The following MACO1 variants were observed in gnomAD, a reference collection of about 807,000 sequenced individuals.
The protein encoded by MACO1 is macoilin.
A neutral mutation model predicts 78.7 loss-of-function variants in MACO1; 14 were observed. The ratio of observed to expected loss-of-function variants is 0.18; its 90% CI spans 0.12 to 0.28. The LOEUF (loss-of-function observed/expected upper bound fraction) is 0.28. Among genes scored for constraint, MACO1 ranks in the 10% least tolerant of loss-of-function variants. The pLI is 1.00. For synonymous variants in MACO1, 288 were observed against 291.6 expected (o/e 0.99, Z 0.12); for missense variants, 501 against 799.0 (o/e 0.63, Z 4.50).
chr1:25,457,824 C>T (rs1432765995), intron 5 of MACO1, among the ~76,000 whole-genome samples: 1 of 152,068 alleles, frequency 6.6e-6, no homozygotes, highest in African/African-American at 2.4e-5. Context: ...AATGTGTAGA[C>T]CCAATACACA....
At chr1:25,483,012 C>T (rs750785984) in intron 6 of MACO1, among the ~76,000 whole-genome samples, 8 of 152,090 alleles carry the variant, frequency 5.3e-5, no homozygotes, top group Non-Finnish European at 1.0e-4. Flanking sequence ...GTGAAGTTTT[C>T]CCATGAAGAA....
intron 6 of MACO1, among the ~76,000 whole-genome samples, chr1:25,478,792 G>C (rs1024895756): frequency 6.6e-6 from 1 of 152,232 alleles, no homozygotes; most frequent in Non-Finnish European, 1.5e-5. Flanking sequence ...ATAAACTCCA[G>C]CTTTGCCATG....
At chr1:25,461,300 G>A (rs902961437) in intron 6 of MACO1, among the ~76,000 whole-genome samples, 9 of 151,742 alleles carry the variant, frequency 5.9e-5, no homozygotes, top group African/African-American at 1.5e-4. Context: ...AACATGGCAC[G>A]TGTATACATA....
intron 1 of MACO1, among the ~76,000 whole-genome samples, chr1:25,444,246 G>T (rs1421080319): frequency 1.3e-5 from 2 of 151,816 alleles, no homozygotes; most frequent in Non-Finnish European, 2.9e-5. Context: ...GTGATAGAGT[G>T]AAACTCAGTC....
At position 25,458,872 on chromosome 1, in the gene MACO1, C is replaced by T. The variant is rs1054889784; in HGVS notation, c.1134C>T (p.Ser378=). ...MENCIPNNQL[S]KPDALVRLEQ... Reference sequence around the variant, plus strand: ...ACTGTATTCCTAATAACCAGCTAAGCAAACCAGACGCACTGGTCAGGTAAG... The same window carrying T: ...ACTGTATTCCTAATAACCAGCTAAGTAAACCAGACGCACTGGTCAGGTAAG... The change falls in exon 6 of 11, where the codon AGC becomes AGT. Residue 378 remains serine, a synonymous_variant. Coordinates refer to ENST00000374343, the MANE Select transcript of MACO1 (RefSeq NM_018202.6). 1.4e-5 allele frequency: 22 copies of T among 1,613,302 alleles called. No individual in the cohort carries two copies. The highest frequency in any genetic ancestry group is 1.7e-5 in the Non-Finnish European group (20 of 1,179,614).
At chr1:25,444,323 C>T (rs897325172) in intron 1 of MACO1, among the ~76,000 whole-genome samples, 7 of 151,834 alleles carry the variant, frequency 4.6e-5, no homozygotes, top group African/African-American at 1.7e-4. Flanking sequence ...TGGACTTGAA[C>T]CCCTGGGCTC....
Position 25,472,976 on chromosome 1 carries a change from A to G in MACO1, c.1155-11140A>G, listed in dbSNP as rs115820206. ...CTAGACTAAATTGAATATGTTGGCT[A>G]TAGCTGCTGCTGAATTATTTGGAAA... On this transcript the variant is annotated intron_variant, in intron 6 of 10. Coordinates refer to ENST00000374343, the MANE Select transcript of MACO1 (RefSeq NM_018202.6). Among the ~76,000 whole-genome samples the G allele has an allele frequency of 9.3e-3, 1,424 of 152,358 alleles. 19 individuals are homozygous for G. Among genetic ancestry groups the G allele is most frequent in the African/African-American group, 0.031 (1,296 of 41,582 alleles).
At chr1:25,457,972 A>G (rs892659043) in intron 5 of MACO1, among the ~76,000 whole-genome samples, 5 of 152,190 alleles carry the variant, frequency 3.3e-5, no homozygotes, top group Non-Finnish European at 7.3e-5. Context: ...TCTTTTCAGT[A>G]AAGTTATTAA....
chr1:25,457,458 G>T (rs1162431225), intron 5 of MACO1, among the ~76,000 whole-genome samples: 1 of 152,062 alleles, frequency 6.6e-6, no homozygotes, highest in African/African-American at 2.4e-5. Context: ...AAAATACTAT[G>T]GAACTATGTG....
At position 25,499,561 on chromosome 1, in the gene MACO1, GTTTT is replaced by G. The variant is rs1211702103; in HGVS notation, c.*1104_*1107del. On this transcript the variant is annotated 3_prime_UTR_variant, in exon 11 of 11. Coordinates refer to ENST00000374343, the MANE Select transcript of MACO1 (RefSeq NM_018202.6). The stretch of plus-strand genomic sequence containing the variant: ...TTCCTCAGCTCTTGTGCCAAGGAGG[GTTTT>G]TTTTTTTTAAGACTCTTAAACTCAA... 1 of 140,492 alleles carries G rather than the reference GTTTT, an allele frequency of 7.1e-6. No individual in the cohort carries two copies. Among genetic ancestry groups the G allele is most frequent in the Non-Finnish European group, 1.6e-5 (1 of 64,316 alleles). The allele number at this position is 140,492 out of a possible 1,614,324, so 8.7% of individuals were successfully genotyped here.
rs946856493 is a variant in MACO1, at chr1:25,484,041, G to A, written c.1155-75G>A. ...TTCTGCCATTCACCCAGCAGTCCAG[G>A]ACCCCCACCAGGTCCCTCCCAGCTC... On this transcript the variant is annotated intron_variant, in intron 6 of 10. Transcript: ENST00000374343. 6.1e-6 allele frequency: 9 copies of A among 1,479,704 alleles called. No homozygotes were observed. The African/African-American group carries it at 1.1e-4, about 19-fold the overall frequency. 91.7% of individuals were successfully genotyped at this position (1,479,704 alleles called of 1,614,324 possible).
Position 25,430,979 on chromosome 1 carries a change from T to A in MACO1, c.-120T>A. 1.7e-5 allele frequency: 6 copies of A among 358,024 alleles called. 1 individual carries two copies. The highest frequency in any genetic ancestry group is 9.3e-5 in the South Asian group (4 of 42,828). 22.2% of individuals were successfully genotyped at this position (358,024 alleles called of 1,614,324 possible). The stretch of plus-strand genomic sequence containing the variant: ...CCCCTCCCCCCGGGTGCTGGCTCCA[T>A]GTCTGTGTGACCGGCCTCAGGGGTA... On this transcript the variant is annotated 5_prime_UTR_variant, in exon 1 of 11. The change abolishes an upstream ATG in the 5' untranslated region. Transcript: ENST00000374343.
At chr1:25,496,822 G>T (rs1448931746) in intron 10 of MACO1, among the ~76,000 whole-genome samples, 2 of 152,174 alleles carry the variant, frequency 1.3e-5, no homozygotes, top group Non-Finnish European at 2.9e-5. Flanking sequence ...GCTGTAGGTA[G>T]GAGTGTACAT....
chr1:25,485,308 A>G lies in MACO1; in HGVS notation c.1314-305A>G, dbSNP rs774082189. On this transcript the variant is annotated intron_variant, in intron 7 of 10. Transcript: ENST00000374343. The surrounding 1 kb of genome is among the most constrained non-coding windows in gnomAD (Gnocchi z 4.3). Reference sequence around the variant, plus strand: ...GAACATTAGAATTAGTTCTACAATTATCTTCCCCTCTGTTCAAAATTTGTT... The same window carrying G: ...GAACATTAGAATTAGTTCTACAATTGTCTTCCCCTCTGTTCAAAATTTGTT... 6.6e-6 allele frequency among the ~76,000 whole-genome samples: 1 copy of G among 152,220 alleles called. No individual in the cohort carries two copies. Among genetic ancestry groups the G allele is most frequent in the African/African-American group, 2.4e-5 (1 of 41,460 alleles).
chr1:25,466,945 C>T (rs2043224534), intron 6 of MACO1, among the ~76,000 whole-genome samples: 1 of 152,072 alleles, frequency 6.6e-6, no homozygotes, highest in Admixed American at 6.6e-5. Context: ...TATTCCATGG[C>T]AGGCCAGTGC....
chr1:25,473,152 C>T (rs74786777), intron 6 of MACO1, among the ~76,000 whole-genome samples: 2 of 151,804 alleles, frequency 1.3e-5, no homozygotes, highest in East Asian at 3.9e-4. Context: ...TTTTCATTTT[C>T]TGCTATAACC....
intron 3 of MACO1, among the ~76,000 whole-genome samples, chr1:25,452,023 G>A (rs896708067): frequency 6.6e-6 from 1 of 151,538 alleles, no homozygotes; most frequent in Non-Finnish European, 1.5e-5. Flanking sequence ...GAGACCATTA[G>A]CTGGCTTCAC....
At chr1:25,498,158 C>T in intron 10 of MACO1, 106 bp from the exon 11 acceptor site, 1 of 1,108,088 alleles carries the variant, frequency 9.0e-7, no homozygotes, top group East Asian at 2.4e-5. Flanking sequence ...ATCACTGAAC[C>T]TGGAGCTGTT....
intron 6 of MACO1, among the ~76,000 whole-genome samples, chr1:25,461,790 A>G (rs529584790): frequency 1.6e-4 from 24 of 152,366 alleles, no homozygotes; most frequent in Admixed American, 2.0e-4. Context: ...TACATAGAAA[A>G]ATGATTTAAA....
Sources: allele counts gnomAD v4.1 joint callset (sites outside exome capture counted in the v4.1 genomes callset), GRCh38; gene constraint gnomAD v4.1.1; non-coding constraint Gnocchi (gnomAD v3.1); transcripts MANE v1.5; gene names NCBI Gene and HGNC (gene_info 2026-07-23, HGNC 2026-07-21).